EXOSC4: variants seen among roughly 807,000 people sequenced by gnomAD.
EXOSC4 encodes the protein exosome component 4.
In EXOSC4, 14 loss-of-function variants were observed where a neutral mutation model predicts 20.0. The ratio of observed to expected loss-of-function variants is 0.70; its 90% CI spans 0.46 to 1.09. EXOSC4 has a LOEUF of 1.09. Among genes scored for constraint, EXOSC4 ranks in the 50% least tolerant of loss-of-function variants. EXOSC4 has a pLI of 0.00. For synonymous variants in EXOSC4, 148 were observed against 146.4 expected, an observed-to-expected ratio of 1.01 and a Z score of -0.08; for missense variants, 337 against 334.0, an observed-to-expected ratio of 1.01 and a Z score of -0.07.
the EXOSC4 span, among the ~76,000 whole-genome samples, chr8:144,066,296 G>A: frequency 2.0e-5 from 3 of 151,868 alleles, no homozygotes; most frequent in Admixed American, 6.6e-5. Context: ...TGGGATTACA[G>A]GCGTGAGCCA....
Position 144,079,923 on chromosome 8 carries a change from A to G in EXOSC4, c.172-20A>G. ...GAGCTGGAAGGAGTGGGCCTGGCTC[A>G]TGTGTCTGTCCTCTTCCAGATCCGG... is the stretch of plus-strand genomic sequence containing the variant. On this transcript the variant is annotated intron_variant, in intron 1 of 2. Transcript: ENST00000316052. The G allele has an allele frequency of 3.7e-6, 6 of 1,612,706 alleles. No individual in the cohort carries two copies. Among genetic ancestry groups the G allele is most frequent in the Non-Finnish European group, 5.1e-6 (6 of 1,178,912 alleles).
the EXOSC4 span, among the ~76,000 whole-genome samples, chr8:144,065,621 G>A: frequency 6.6e-5 from 10 of 151,864 alleles, no homozygotes; most frequent in Non-Finnish European, 1.5e-4. Context: ...TGTAATCTCA[G>A]CTACTCAGGA....
intron 1 of EXOSC4, chr8:144,079,297 C>A (rs1251409317): frequency 4.8e-6 from 1 of 207,070 alleles, no homozygotes; most frequent in South Asian, 8.3e-5. Context: ...TAAGCATTTT[C>A]CCCTTTGTTT....
At chr8:144,065,357 G>A in the EXOSC4 span, among the ~76,000 whole-genome samples, 4 of 152,288 alleles carry the variant, frequency 2.6e-5, no homozygotes, top group Middle Eastern at 6.8e-3. Flanking sequence ...TCACCTGTGC[G>A]AGTGGGGGCA....
Position 144,080,557 on chromosome 8 carries a change from G to A in EXOSC4, c.694G>A (p.Val232Ile). The A allele has an allele frequency of 2.5e-6, 4 of 1,600,446 alleles. No individual in the cohort carries two copies. Among genetic ancestry groups the A allele is most frequent in the South Asian group, 1.1e-5 (1 of 91,076 alleles). The change falls in exon 3 of 3, where the codon GTC becomes ATC. Residue 232 changes from valine to isoleucine, a missense_variant. By Grantham distance (29) the Val-to-Ile change is conservative. Coordinates refer to ENST00000316052, the MANE Select transcript of EXOSC4 (RefSeq NM_019037.3). This position sits in a 1 kb window ranked among gnomAD's most constrained non-coding sequence, Gnocchi z 4.9. ...RDVHTLLDRV[V>I]RQHVREASIL... ...TGTGCACACCCTCTTAGATCGAGTGGTCCGGCAGCATGTGCGTGAGGCCTC... is the reference window on the plus strand; with the variant it reads ...TGTGCACACCCTCTTAGATCGAGTGATCCGGCAGCATGTGCGTGAGGCCTC...
At chr8:144,065,776 G>A in the EXOSC4 span, among the ~76,000 whole-genome samples, 2 of 149,090 alleles carry the variant, frequency 1.3e-5, no homozygotes, top group African/African-American at 4.9e-5. Flanking sequence ...AGAAAATGGA[G>A]TAGAGTATTT....
At chr8:144,075,313 G>T (rs373317409), upstream of EXOSC4, among the ~76,000 whole-genome samples, 1 of 151,528 alleles carries the variant, frequency 6.6e-6, no homozygotes, top group Non-Finnish European at 1.5e-5. Context: ...TGCAACCTCC[G>T]CCTCCTGGGT....
At chr8:144,075,740 C>T (rs529556839), upstream of EXOSC4, among the ~76,000 whole-genome samples, 7 of 152,290 alleles carry the variant, frequency 4.6e-5, no homozygotes, top group South Asian at 1.4e-3. Context: ...CATCAGAGAA[C>T]GCATCAAAGA....
At position 144,078,743 on chromosome 8, in the gene EXOSC4, G is replaced by A. The variant is rs782160353; in HGVS notation, c.15G>A (p.Glu5=). The change falls in exon 1 of 3, where the codon GAG becomes GAA. Residue 5 remains glutamate (E), a synonymous_variant. Coordinates refer to ENST00000316052, the MANE Select transcript of EXOSC4 (RefSeq NM_019037.3). The surrounding 1 kb of genome is among the most constrained non-coding windows in gnomAD (Gnocchi z 4.7). The part of the protein sequence containing the change: MAGL[E]LLSDQGYRVD... ...GGCCGGGCAGCATGGCGGGGCTGGA[G>A]CTCTTGTCGGACCAGGGCTACCGGG... 1.4e-6 allele frequency: 2 copies of A among 1,477,492 alleles called. No individual in the cohort carries two copies. The highest frequency in any genetic ancestry group is 1.8e-6 in the Non-Finnish European group (2 of 1,112,200). 91.5% of individuals were successfully genotyped at this position (1,477,492 alleles called of 1,614,324 possible).
At chr8:144,068,876 G>A in the EXOSC4 span, among the ~76,000 whole-genome samples, 10 of 152,184 alleles carry the variant, frequency 6.6e-5, no homozygotes, top group Non-Finnish European at 1.5e-4. Context: ...CCACAGCACA[G>A]GGGTCTCACT....
chr8:144,064,501 C>A, the EXOSC4 span, among the ~76,000 whole-genome samples: 1 of 152,220 alleles, frequency 6.6e-6, no homozygotes, highest in Non-Finnish European at 1.5e-5. Flanking sequence ...CAGAGCCAGC[C>A]GAGAGCACGC....
chr8:144,075,663 G>A (rs558323359), upstream of EXOSC4, among the ~76,000 whole-genome samples: 4 of 152,304 alleles, frequency 2.6e-5, no homozygotes, highest in Admixed American at 6.5e-5. Flanking sequence ...CGCGAGCACC[G>A]CGTCTGCCAT....
At chr8:144,071,812 G>A in the EXOSC4 span, among the ~76,000 whole-genome samples, 15 of 151,584 alleles carry the variant, frequency 9.9e-5, no homozygotes, top group South Asian at 2.1e-4. Context: ...TCACAGCTCC[G>A]CAAAAAAACA....
upstream of EXOSC4, among the ~76,000 whole-genome samples, chr8:144,075,019 A>T (rs781905475): frequency 5.9e-5 from 9 of 152,198 alleles, no homozygotes; most frequent in Non-Finnish European, 4.4e-5. Flanking sequence ...TTAAATTTTG[A>T]TCAAACATGT....
upstream of EXOSC4, chr8:144,078,519 T>G (rs1372757614): frequency 2.2e-6 from 1 of 447,158 alleles, no homozygotes; most frequent in Admixed American, 4.5e-5. The surrounding 1 kb of genome is among the most constrained non-coding windows in gnomAD (Gnocchi z 4.7). Context: ...CGCGGTGAAC[T>G]CCAGTTCACC....
upstream of EXOSC4, chr8:144,078,523 G>C (rs1835859135): frequency 4.3e-6 from 2 of 461,486 alleles, no homozygotes; most frequent in Non-Finnish European, 7.2e-6. This position sits in a 1 kb window ranked among gnomAD's most constrained non-coding sequence, Gnocchi z 4.7. Context: ...GTGAACTCCA[G>C]TTCACCAGGA....
chr8:144,067,217 A>G, the EXOSC4 span, among the ~76,000 whole-genome samples: 3 of 152,238 alleles, frequency 2.0e-5, 1 homozygote, highest in South Asian at 6.2e-4. Context: ...CCTGCTGTAC[A>G]TGCCGTGCAT....
chr8:144,068,806 G>A, the EXOSC4 span, among the ~76,000 whole-genome samples: 1 of 152,206 alleles, frequency 6.6e-6, no homozygotes, highest in Non-Finnish European at 1.5e-5. Context: ...CTGCAAGGCA[G>A]AGGCACCACA....
chr8:144,078,821 G>A lies in EXOSC4; in HGVS notation c.93G>A (p.Val31=), dbSNP rs1295905934. 1.3e-6 allele frequency: 2 copies of A among 1,581,290 alleles called. No individual in the cohort carries two copies. Among genetic ancestry groups the A allele is most frequent in the Non-Finnish European group, 1.7e-6 (2 of 1,166,414 alleles). The change falls in exon 1 of 3, where the codon GTG becomes GTA. Residue 31 remains valine (V), a synonymous_variant. Coordinates refer to ENST00000316052, the MANE Select transcript of EXOSC4 (RefSeq NM_019037.3). This position sits in a 1 kb window ranked among gnomAD's most constrained non-coding sequence, Gnocchi z 4.7. ...GCAAGATCCAGGCGCGGATGGGCGTGTTCGCGCAGGCTGACGGCTCGGCCT... is the reference window on the plus strand; with the variant it reads ...GCAAGATCCAGGCGCGGATGGGCGTATTCGCGCAGGCTGACGGCTCGGCCT... ...ELRKIQARMG[V]FAQADGSAYI... is the part of the protein sequence containing the mutation.
Sources: gnomAD v4.1 joint callset for allele counts (sites outside exome capture counted in the v4.1 genomes callset) on GRCh38, gnomAD v4.1.1 for gene constraint, Gnocchi (gnomAD v3.1) non-coding constraint, MANE v1.5 for transcripts, NCBI Gene and HGNC (gene_info 2026-07-23, HGNC 2026-07-21) for gene names.